LATS2: variants seen among roughly 807,000 people sequenced by gnomAD.
LATS2 encodes large tumor suppressor kinase 2.
In LATS2, 24 loss-of-function variants were observed where a neutral mutation model predicts 76.0. The observed-to-expected ratio is 0.32, with a 90% confidence interval of 0.23 to 0.44. LATS2 has a LOEUF of 0.44. LATS2 is among the 20% of genes least tolerant of loss of function. The pLI is 1.00. For missense variants in LATS2, 1,286 were observed against 1,481.2 expected, an observed-to-expected ratio of 0.87 and a Z score of 2.16; for synonymous variants, 692 against 635.4, an observed-to-expected ratio of 1.09 and a Z score of -1.34.
chr13:21,007,676 A>ATATAGTG (rs1462434832), intron 2 of LATS2, among the ~76,000 whole-genome samples: 515 of 4,302 alleles, frequency 0.12, 192 homozygotes, highest in East Asian at 0.29. Context: ...GTGTATATAT[A>ATATAGTG]TATATAGTAT....
In LATS2 at chr13:21,023,672, AAAAAAAAAAAAC is replaced by A. The variant is rs1245265451; in HGVS notation, c.342+22001_342+22012del. Among the ~76,000 whole-genome samples, 153 of 28,186 alleles carry A rather than the reference AAAAAAAAAAAAC, an allele frequency of 5.4e-3. 23 individuals carry two copies. The highest frequency in any genetic ancestry group is 9.3e-3 in the African/African-American group (149 of 16,028). The allele number at this position is 28,186 out of a possible 152,430, so 18.5% of individuals were successfully genotyped here. Reference sequence around the variant, plus strand: ...AAAAAAAAAAAAAAAAAAAAAAAAAAAAAAAAAAAAACAAACCTCGGCCGGGCGCAGTGGCTG... The same window carrying A: ...AAAAAAAAAAAAAAAAAAAAAAAAAAAAACCTCGGCCGGGCGCAGTGGCTG... On this transcript the variant is annotated intron_variant, in intron 2 of 7. Coordinates refer to ENST00000382592, the MANE Select transcript of LATS2 (RefSeq NM_014572.3).
intron 6 of LATS2, among the ~76,000 whole-genome samples, chr13:20,980,955 T>G (rs1468314412): frequency 2.6e-5 from 4 of 152,232 alleles, no homozygotes; most frequent in Admixed American, 2.6e-4. Context: ...GCAAATGTTA[T>G]GAGCACTAGT....
At chr13:21,015,276 G>A (rs577469332) in intron 2 of LATS2, among the ~76,000 whole-genome samples, 2 of 152,222 alleles carry the variant, frequency 1.3e-5, no homozygotes, top group South Asian at 2.1e-4. Context: ...TCAGCCTCTG[G>A]TGTGAGTGGG....
At chr13:21,037,571 C>G (rs1595250444) in intron 2 of LATS2, among the ~76,000 whole-genome samples, 1 of 152,148 alleles carries the variant, frequency 6.6e-6, no homozygotes, top group African/African-American at 2.4e-5. Flanking sequence ...GTCTCACAGG[C>G]CTTAAAATCT....
At chr13:21,012,499 G>A (rs1249833521) in intron 2 of LATS2, among the ~76,000 whole-genome samples, 2 of 152,210 alleles carry the variant, frequency 1.3e-5, no homozygotes, top group South Asian at 2.1e-4. Flanking sequence ...CATGTGGCCC[G>A]TGGTTGCCCG....
In LATS2 at chr13:21,048,196, C is replaced by T. The variant is rs544919764; in HGVS notation, c.-204-1966G>A. The stretch of plus-strand genomic sequence containing the variant: ...TTTGAAATACCTAACTTTGTAAAAC[C>T]GTAACTTCACATTCCGACAAAAACG... On this transcript the variant is annotated intron_variant, in intron 1 of 7. Transcript: ENST00000382592. 1.4e-4 allele frequency among the ~76,000 whole-genome samples: 22 copies of T among 152,286 alleles called. No homozygotes were observed. In the South Asian group the frequency reaches 3.7e-3, roughly 26 times the overall value.
chr13:20,985,447 T>G lies in LATS2; in HGVS notation c.1900-1641A>C, dbSNP rs747231843. 1.6e-4 allele frequency among the ~76,000 whole-genome samples: 25 copies of G among 152,280 alleles called. No individual in the cohort carries two copies. The Middle Eastern group carries it at 0.01, about 62-fold the overall frequency. ...AATATCAAATAATCCCATTAAAAAG[T>G]AAGCCAAAAGGCCAGATATGGTGGC... On this transcript the variant is annotated intron_variant, in intron 4 of 7. Coordinates refer to ENST00000382592, the MANE Select transcript of LATS2 (RefSeq NM_014572.3).
intron 2 of LATS2, among the ~76,000 whole-genome samples, chr13:21,023,669 A>C (rs1210406506): frequency 2.8e-5 from 1 of 35,664 alleles, no homozygotes; most frequent in African/African-American, 4.8e-5. Flanking sequence ...AAAAAAAAAA[A>C]AAAAAAAAAA....
At chr13:21,021,080 C>A (rs1236255557) in intron 2 of LATS2, among the ~76,000 whole-genome samples, 1 of 152,182 alleles carries the variant, frequency 6.6e-6, no homozygotes, top group South Asian at 2.1e-4. Flanking sequence ...TGAAACAAGA[C>A]AGGCCGTGTG....
chr13:20,980,556 G>A (rs1433786708), intron 6 of LATS2, among the ~76,000 whole-genome samples: 1 of 152,088 alleles, frequency 6.6e-6, no homozygotes, highest in East Asian at 1.9e-4. Flanking sequence ...CTATCTCTCC[G>A]TCCCACCTCT....
rs560071015 is a variant in LATS2 at position 21,014,131 on chromosome 13, A to T, written c.343-22727T>A. ...GCCAAAGAATGTAGGAAAAACAGAT[A>T]AAAGTATTTTTAAAAAGAACAAGAA... On this transcript the variant is annotated intron_variant, in intron 2 of 7. Transcript: ENST00000382592. Among the ~76,000 whole-genome samples the T allele has an allele frequency of 4.6e-5, 7 of 152,236 alleles. No homozygotes were observed. In the South Asian group the frequency reaches 8.3e-4, roughly 18 times the overall value.
intron 2 of LATS2, among the ~76,000 whole-genome samples, chr13:21,017,405 C>T (rs1871844880): frequency 6.6e-6 from 1 of 151,850 alleles, no homozygotes. Flanking sequence ...AAACTCCTGG[C>T]CTCAAGCGAT....
intron 2 of LATS2, among the ~76,000 whole-genome samples, chr13:21,000,944 A>G (rs1871015476): frequency 6.6e-6 from 1 of 152,228 alleles, no homozygotes; most frequent in East Asian, 1.9e-4. Flanking sequence ...ACTTAATTTT[A>G]TGTTGAAAGA....
intron 2 of LATS2, among the ~76,000 whole-genome samples, chr13:20,998,999 C>G (rs971098321): frequency 6.6e-6 from 1 of 151,216 alleles, no homozygotes; most frequent in East Asian, 1.9e-4. Flanking sequence ...GGACAGGGAT[C>G]CCCGCGACCT....
At chr13:21,038,911 C>T (rs554974342) in intron 2 of LATS2, among the ~76,000 whole-genome samples, 61 of 152,268 alleles carry the variant, frequency 4.0e-4, no homozygotes, top group African/African-American at 1.3e-3. Context: ...ACCCGCGAGG[C>T]GGAGGTTGTA....
Position 20,991,461 on chromosome 13 carries a change from A to T in LATS2, c.343-57T>A, listed in dbSNP as rs971965467. On this transcript the variant is annotated intron_variant, in intron 2 of 7. Transcript: ENST00000382592. This position sits in a 1 kb window ranked among gnomAD's most constrained non-coding sequence, Gnocchi z 4.9. ...TGTCATCCTAAAACAAAGCCACCAA[A>T]GACTCCCATCCCCACTCCGTGCTGG... 6.2e-6 allele frequency: 10 copies of T among 1,604,782 alleles called. No homozygotes were observed. The African/African-American group carries it at 1.3e-4, about 21-fold the overall frequency.
At chr13:21,057,347 T>C (rs768630177) in intron 1 of LATS2, among the ~76,000 whole-genome samples, 10 of 152,218 alleles carry the variant, frequency 6.6e-5, no homozygotes, top group Non-Finnish European at 1.3e-4. Context: ...TGAATTAACT[T>C]AAAACACTTG....
At chr13:21,032,777 G>A (rs1000503909) in intron 2 of LATS2, among the ~76,000 whole-genome samples, 5 of 152,168 alleles carry the variant, frequency 3.3e-5, no homozygotes, top group African/African-American at 9.7e-5. Flanking sequence ...CGGGCACTGG[G>A]ATGAATGGCC....
chr13:20,986,715 T>C (rs1870159457), intron 4 of LATS2, among the ~76,000 whole-genome samples: 3 of 152,040 alleles, frequency 2.0e-5, no homozygotes, highest in Admixed American at 2.0e-4. Context: ...ATGACTATGG[T>C]TAGTAAAAAT....
Sources: allele counts gnomAD v4.1 joint callset (sites outside exome capture counted in the v4.1 genomes callset), GRCh38; gene constraint gnomAD v4.1.1; non-coding constraint Gnocchi (gnomAD v3.1); transcripts MANE v1.5; gene names NCBI Gene and HGNC (gene_info 2026-07-23, HGNC 2026-07-21).